Variants in BCAR3 observed in about 807,000 individuals in gnomAD.
BCAR3 encodes breast cancer anti-estrogen resistance protein 3.
In BCAR3, 37 loss-of-function variants were observed where a neutral mutation model predicts 80.1. The ratio of observed to expected loss-of-function variants is 0.46; its 90% confidence interval spans 0.36 to 0.61. The LOEUF (loss-of-function observed/expected upper bound fraction) is 0.61. Ranked by LOEUF, BCAR3 falls within the 20% of genes least tolerant of loss-of-function variation. The pLI is 0.00. For missense variants in BCAR3, 978 were observed against 1,068.2 expected, an observed-to-expected ratio of 0.92 and a Z score of 1.18; for synonymous variants, 389 against 418.9, an observed-to-expected ratio of 0.93 and a Z score of 0.87.
intron 2 of BCAR3, among the ~76,000 whole-genome samples, chr1:93,838,055 T>C (rs555721086): frequency 6.6e-6 from 1 of 152,332 alleles, no homozygotes; most frequent in South Asian, 2.1e-4. Flanking sequence ...GGCCAGCAAG[T>C]AAGATCATCC....
intron 8 of BCAR3, among the ~76,000 whole-genome samples, chr1:93,574,933 G>T (rs915694472): frequency 1.3e-5 from 2 of 152,162 alleles, no homozygotes; most frequent in Non-Finnish European, 2.9e-5. Context: ...AGCATTCTGG[G>T]TATTTTCTAT....
intron 2 of BCAR3, among the ~76,000 whole-genome samples, chr1:93,654,534 A>G (rs905725392): frequency 6.6e-6 from 1 of 152,218 alleles, no homozygotes; most frequent in Non-Finnish European, 1.5e-5. Context: ...ACCTCAGCTG[A>G]GCTAAGCCAG....
chr1:93,803,137 A>C (rs146247129), intron 2 of BCAR3, among the ~76,000 whole-genome samples: 1 of 152,280 alleles, frequency 6.6e-6, no homozygotes, highest in African/African-American at 2.4e-5. Flanking sequence ...AAGCCCTTTG[A>C]GACCAAATTA....
intron 2 of BCAR3, among the ~76,000 whole-genome samples, chr1:93,645,567 T>C (rs1437179612): frequency 6.6e-6 from 1 of 152,002 alleles, no homozygotes; most frequent in Non-Finnish European, 1.5e-5. Flanking sequence ...CTAACAGTTT[T>C]TTTTTTCTTG....
intron 3 of BCAR3, among the ~76,000 whole-genome samples, chr1:93,694,814 T>A (rs1649329090): frequency 6.6e-6 from 1 of 152,220 alleles, no homozygotes; most frequent in Admixed American, 6.5e-5. Context: ...CAAACACTGT[T>A]CCTAATTCAC....
chr1:93,840,723 G>C (rs1165601843), intron 2 of BCAR3, among the ~76,000 whole-genome samples: 4 of 152,202 alleles, frequency 2.6e-5, no homozygotes, highest in African/African-American at 9.6e-5. Context: ...AGTGTCCACT[G>C]TGTACATGAT....
intron 1 of BCAR3, among the ~76,000 whole-genome samples, chr1:93,678,008 CAAGCCTAT>C (rs1202792577): frequency 3.9e-5 from 6 of 152,316 alleles, no homozygotes; most frequent in African/African-American, 1.4e-4. Flanking sequence ...ATGGCTTCTT[CAAGCCTAT>C]AAGGACCAAA....
intron 8 of BCAR3, among the ~76,000 whole-genome samples, chr1:93,573,623 TATTA>T (rs1673320689): frequency 3.5e-5 from 5 of 142,192 alleles, no homozygotes; most frequent in Non-Finnish European, 6.0e-5. Flanking sequence ...TTATTATTAT[TATTA>T]TTATTATTTT....
chr1:93,716,085 T>A (rs1018690856), intron 2 of BCAR3, among the ~76,000 whole-genome samples: 3 of 152,200 alleles, frequency 2.0e-5, no homozygotes, highest in African/African-American at 7.2e-5. Context: ...GAGTGCAAGA[T>A]GCCACCAGGA....
rs547505705 is a variant in BCAR3, at chr1:93,737,938, T to C, written c.-62-31796A>G. Among the ~76,000 whole-genome samples the C allele has an allele frequency of 2.0e-5, 3 of 152,330 alleles. No homozygotes were observed. The South Asian group carries it at 6.2e-4, about 32-fold the overall frequency. Reference sequence around the variant, plus strand: ...ACCTTGAAATCCTGGGCTCAGGTGATCCTTCCATCTCAACCTCACAAGTAG... The same window carrying C: ...ACCTTGAAATCCTGGGCTCAGGTGACCCTTCCATCTCAACCTCACAAGTAG... On this transcript the variant is annotated intron_variant, in intron 2 of 13. Transcript: ENST00000370244.
chr1:93,619,170 T>G (rs2101888113), intron 3 of BCAR3, among the ~76,000 whole-genome samples: 1 of 150,726 alleles, frequency 6.6e-6, no homozygotes, highest in Non-Finnish European at 1.5e-5. Flanking sequence ...ATGGGCTCGA[T>G]CTCCTGACCT....
chr1:93,619,865 G>C (rs1366746444), intron 3 of BCAR3, among the ~76,000 whole-genome samples: 1 of 152,234 alleles, frequency 6.6e-6, no homozygotes, highest in Non-Finnish European at 1.5e-5. Flanking sequence ...GGAGGCTAGA[G>C]AGCGAGCCAG....
chr1:93,573,663 C>CTGT (rs773761701), intron 8 of BCAR3, among the ~76,000 whole-genome samples: 2 of 137,472 alleles, frequency 1.5e-5, no homozygotes, highest in Non-Finnish European at 3.1e-5. Flanking sequence ...GGGTTTTGCT[C>CTGT]TGTTGCCCAG....
In BCAR3 at chr1:93,584,030, A is replaced by G; in HGVS notation, c.1021T>C (p.Tyr341His). Residue 341 changes from tyrosine to histidine, a missense_variant, in exon 6 of 12, where the codon TAC becomes CAC. Coordinates refer to ENST00000260502, the MANE Select transcript of BCAR3 (RefSeq NM_003567.4). ...LSLKAHQSESYLPIGCKLPPQ... is the reference protein window; with the variant it reads ...LSLKAHQSESHLPIGCKLPPQ... ...CCCCGAAACATACCAATCGGCAGGT[A>G]GCTCTCTGACTGGTGGGCTTTGAGG... 1 of 1,614,080 alleles carries G rather than the reference A, an allele frequency of 6.2e-7. No homozygotes were observed. The highest frequency in any genetic ancestry group is 8.5e-7 in the Non-Finnish European group (1 of 1,179,986).
intron 2 of BCAR3, among the ~76,000 whole-genome samples, chr1:93,790,634 A>ATTTT (rs67196746): frequency 1.9e-5 from 2 of 107,422 alleles, no homozygotes; most frequent in African/African-American, 8.1e-5. Context: ...TTTTGTATTC[A>ATTTT]TTTTTTTTTT....
At chr1:93,669,714 C>T (rs1156882694) in intron 2 of BCAR3, among the ~76,000 whole-genome samples, 4 of 152,204 alleles carry the variant, frequency 2.6e-5, no homozygotes, top group Non-Finnish European at 5.9e-5. Context: ...AGGAACCAGT[C>T]CCCTCTCAGC....
At chr1:93,839,437 G>A (rs12143274) in intron 2 of BCAR3, among the ~76,000 whole-genome samples, 42,708 of 152,082 alleles carry the variant, frequency 0.28, 7,078 homozygotes, top group East Asian at 0.53. Context: ...AACATACCAT[G>A]GGGAAACAGC....
chr1:93,678,862 T>C (rs966281909), intron 1 of BCAR3, among the ~76,000 whole-genome samples: 2 of 152,164 alleles, frequency 1.3e-5, no homozygotes, highest in Middle Eastern at 3.2e-3. Flanking sequence ...GGTCTTGCCA[T>C]AGGAACAAGC....
chr1:93,837,465 C>G (rs527497540), intron 2 of BCAR3, among the ~76,000 whole-genome samples: 1 of 152,182 alleles, frequency 6.6e-6, no homozygotes, highest in Non-Finnish European at 1.5e-5. Flanking sequence ...ACCCACTCAG[C>G]TCCTGTTCCT....
Sources: gnomAD v4.1 joint callset for allele counts (sites outside exome capture counted in the v4.1 genomes callset) on GRCh38, gnomAD v4.1.1 for gene constraint, MANE v1.5 for transcripts, NCBI Gene and HGNC (gene_info 2026-07-23, HGNC 2026-07-21) for gene names.